The following CACNB4 variants were observed in gnomAD, a reference collection of about 807,000 sequenced individuals.
The protein encoded by CACNB4 is calcium voltage-gated channel auxiliary subunit beta 4, also known as voltage-dependent L-type calcium channel subunit beta-4.
A neutral mutation model predicts 71.2 loss-of-function variants in CACNB4; 32 were observed. The observed-to-expected ratio is 0.45, with a 90% CI of 0.34 to 0.60. The LOEUF is 0.60. Ranked by LOEUF, CACNB4 falls within the 20% of genes least tolerant of loss-of-function variation. CACNB4 has a pLI of 0.01. For missense variants in CACNB4, 464 were observed against 647.9 expected (o/e 0.72, Z 3.08); for synonymous variants, 231 against 236.9 (o/e 0.97, Z 0.23).
chr2:151,867,906 T>C (rs568749942), intron 9 of CACNB4: 167 of 152,348 alleles, frequency 1.1e-3, no homozygotes, highest in African/African-American at 3.9e-3. Context: ...CTTCAGACTG[T>C]TAAGTGAGCA....
intron 2 of CACNB4, among the ~76,000 whole-genome samples, chr2:152,050,715 C>T (rs1026540013): frequency 2.0e-5 from 3 of 151,890 alleles, no homozygotes; most frequent in African/African-American, 7.3e-5. Context: ...GACTCTGTCT[C>T]TAAAAAAAAT....
chr2:151,922,813 C>A (rs1422796112), intron 2 of CACNB4, among the ~76,000 whole-genome samples: 3 of 152,158 alleles, frequency 2.0e-5, no homozygotes, highest in Non-Finnish European at 2.9e-5. Flanking sequence ...TTTTTTAGAC[C>A]TTTTGAATTT....
chr2:152,095,787 G>T (rs1320842479), intron 2 of CACNB4, among the ~76,000 whole-genome samples: 2 of 152,120 alleles, frequency 1.3e-5, no homozygotes, highest in Non-Finnish European at 2.9e-5. Context: ...GAGTAGCTGG[G>T]ATTACAAGCA....
chr2:152,069,250 C>T (rs113380915), intron 2 of CACNB4, among the ~76,000 whole-genome samples: 3,052 of 152,198 alleles, frequency 0.02, 103 homozygotes, highest in African/African-American at 0.069. Context: ...GTTCTTCACC[C>T]GCTCCAATCC....
intron 10 of CACNB4, 118 bp downstream of exon 10, chr2:151,860,593 A>T (rs2151375937): frequency 2.7e-6 from 2 of 733,310 alleles, no homozygotes; most frequent in East Asian, 5.2e-5. Context: ...CTTTTTAGGT[A>T]CTCAGTGCTC....
chr2:152,036,039 C>T (rs1560150972), intron 2 of CACNB4, among the ~76,000 whole-genome samples: 2 of 152,054 alleles, frequency 1.3e-5, no homozygotes, highest in Non-Finnish European at 2.9e-5. Flanking sequence ...AACTTGAAGA[C>T]GTTAAGTGAA....
At position 151,874,706 on chromosome 2, in the gene CACNB4, G is replaced by A. The variant is rs533926936; in HGVS notation, c.521+1720C>T. Among the ~76,000 whole-genome samples, 11 of 152,294 alleles carry A rather than the reference G, an allele frequency of 7.2e-5. 2 individuals are homozygous for A. In the South Asian group the frequency reaches 2.3e-3, roughly 32 times the overall value. ...GCATTCAACAGAAAACAGAGGTTGA[G>A]GGTCAAGAGAAAGAGCTGCTTCTAT... On this transcript the variant is annotated intron_variant, in intron 5 of 13. Transcript: ENST00000539935.
intron 2 of CACNB4, among the ~76,000 whole-genome samples, chr2:152,050,109 A>G (rs1026152624): frequency 2.6e-5 from 4 of 152,240 alleles, no homozygotes; most frequent in Non-Finnish European, 5.9e-5. Flanking sequence ...GTTTTTTGTG[A>G]AATACCATTA....
chr2:151,975,626 C>T (rs893850762), intron 2 of CACNB4, among the ~76,000 whole-genome samples: 2 of 152,094 alleles, frequency 1.3e-5, no homozygotes, highest in African/African-American at 4.8e-5. Context: ...TGGAGAAAGT[C>T]CCTGGCCACG....
intron 9 of CACNB4, chr2:151,868,013 A>G (rs2099843631): frequency 6.6e-6 from 1 of 152,246 alleles, no homozygotes; most frequent in African/African-American, 2.4e-5. Flanking sequence ...AAGCATTCTT[A>G]TTTCTTAAAC....
At chr2:151,921,648 T>A (rs1459634650) in intron 2 of CACNB4, among the ~76,000 whole-genome samples, 1 of 152,200 alleles carries the variant, frequency 6.6e-6, no homozygotes, top group Non-Finnish European at 1.5e-5. Context: ...TCCTCCATAT[T>A]TGATATGGTT....
intron 2 of CACNB4, among the ~76,000 whole-genome samples, chr2:152,003,160 C>T (rs989478639): frequency 9.9e-5 from 15 of 152,126 alleles, no homozygotes; most frequent in African/African-American, 3.6e-4. Flanking sequence ...AAACATATCT[C>T]GGCCGGGCAT....
At chr2:152,025,161 C>T (rs995461358) in intron 2 of CACNB4, among the ~76,000 whole-genome samples, 1 of 152,216 alleles carries the variant, frequency 6.6e-6, no homozygotes, top group Non-Finnish European at 1.5e-5. Flanking sequence ...CAAATACTAG[C>T]TTATCTATTG....
chr2:151,841,223 T>A (rs1423073760), intron 13 of CACNB4, among the ~76,000 whole-genome samples: 1 of 152,224 alleles, frequency 6.6e-6, no homozygotes, highest in Non-Finnish European at 1.5e-5. Flanking sequence ...GAAAGGCCTA[T>A]CTGCACCTAT....
intron 10 of CACNB4, chr2:151,858,889 T>G (rs1157522797): frequency 6.6e-6 from 1 of 152,210 alleles, no homozygotes; most frequent in Non-Finnish European, 1.5e-5. Flanking sequence ...TAACCCCTAC[T>G]CTTCTTTATA....
At position 151,842,089 on chromosome 2, in the gene CACNB4, C is replaced by T; in HGVS notation, c.1117-1G>A. ...CATCCAATATAACATCAAACATTTC[C>T]TGTAGATGACAAGAAAATCCACTTT... is the stretch of plus-strand genomic sequence containing the variant. On this transcript the variant is annotated splice_acceptor_variant, in intron 12 of 13. Transcript: ENST00000539935. LOFTEE classifies it high-confidence loss of function. The T allele has an allele frequency of 6.2e-7, 1 of 1,612,980 alleles. No individual in the cohort carries two copies. The highest frequency in any genetic ancestry group is 8.5e-7 in the Non-Finnish European group (1 of 1,179,230).
chr2:152,007,944 G>A (rs1237138572), intron 2 of CACNB4, among the ~76,000 whole-genome samples: 1 of 151,746 alleles, frequency 6.6e-6, no homozygotes, highest in East Asian at 1.9e-4. Context: ...GCTAATTTTT[G>A]TATTTTTAGT....
At chr2:151,967,121 C>A (rs1446802788) in intron 2 of CACNB4, 2 of 148,644 alleles carry the variant, frequency 1.3e-5, no homozygotes, top group Non-Finnish European at 3.0e-5. Flanking sequence ...GATCAGGCCT[C>A]ACTGAAGCCT....
At chr2:151,946,011 TTGTTA>T (rs1253672693) in intron 2 of CACNB4, among the ~76,000 whole-genome samples, 1 of 148,606 alleles carries the variant, frequency 6.7e-6, no homozygotes, top group African/African-American at 2.4e-5. Context: ...ACTATTGTTG[TTGTTA>T]TTATTATTAT....
Sources: allele counts gnomAD v4.1 joint callset (sites outside exome capture counted in the v4.1 genomes callset), GRCh38; gene constraint gnomAD v4.1.1; transcripts MANE v1.5; gene names NCBI Gene and HGNC (gene_info 2026-07-23, HGNC 2026-07-21).